MPP4: variants seen among roughly 807,000 people sequenced by gnomAD.
MPP4 encodes the protein MAGUK p55 scaffold protein 4.
In MPP4, 91 loss-of-function variants were observed where a neutral mutation model predicts 98.3. The observed-to-expected ratio is 0.93, with a 90% CI of 0.78 to 1.10. The LOEUF is 1.10. MPP4 is among the 50% of genes least tolerant of loss of function. The pLI is 0.00. For missense variants in MPP4, 744 were observed against 792.9 expected (o/e 0.94, Z 0.74); for synonymous variants, 261 against 271.8 (o/e 0.96, Z 0.39).
chr2:201,671,615 A>G (rs1175668157), intron 11 of MPP4, among the ~76,000 whole-genome samples: 1 of 152,226 alleles, frequency 6.6e-6, no homozygotes, highest in Non-Finnish European at 1.5e-5. Context: ...TCTCTAATAA[A>G]ACAGACTTTA....
chr2:201,690,272 T>C lies in MPP4; in HGVS notation c.209A>G (p.Asp70Gly). The change falls in exon 4 of 22, where the codon GAC (aspartate) becomes GGC (glycine). Residue 70 changes from aspartate to glycine, a missense_variant. Transcript: ENST00000409474. ...PWLQALLKIY[D>G]CLQEFKEKKL... is the part of the protein sequence containing the mutation. ...CTTTTCTTTAAATTCCTGGAGGCAG[T>C]CATAAATCTGCAGAAGGACAAGGGA... 6.2e-7 allele frequency: 1 copy of C among 1,602,406 alleles called. No homozygotes were observed. The highest frequency in any genetic ancestry group is 8.5e-7 in the Non-Finnish European group (1 of 1,173,264).
chr2:201,647,681 T>G lies in MPP4; in HGVS notation c.1719+10A>C. 1 of 1,612,312 alleles carries G rather than the reference T, an allele frequency of 6.2e-7. No homozygotes were observed. The highest frequency in any genetic ancestry group is 8.5e-7 in the Non-Finnish European group (1 of 1,178,558). On this transcript the variant is annotated intron_variant, in intron 21 of 21. Transcript: ENST00000409474. ...TGAAAGCAATACAGTAGTTTTTGAC[T>G]TGCTCTTACCTTGAACTTCATGTCC...
At chr2:201,681,645 T>G in intron 8 of MPP4, 78 bp from the exon 9 acceptor site, 1 of 1,044,596 alleles carries the variant, frequency 9.6e-7, no homozygotes, top group Non-Finnish European at 1.5e-6. Context: ...AGAGTTACAG[T>G]GCAATGTATC....
Position 201,683,594 on chromosome 2 carries a change from C to T in MPP4, c.575-678G>A, listed in dbSNP as rs183340490. Among the ~76,000 whole-genome samples, 189 of 151,584 alleles carry T rather than the reference C, an allele frequency of 1.2e-3. No individual in the cohort carries two copies. In the East Asian group the frequency reaches 0.034, roughly 27 times the overall value. On this transcript the variant is annotated intron_variant, in intron 7 of 21. Coordinates refer to ENST00000409474, the MANE Select transcript of MPP4 (RefSeq NM_033066.3). The stretch of plus-strand genomic sequence containing the variant: ...TGACACTCTGTCTGTACTAAAAATA[C>T]AAAAAAAATTAGCTGGGGGTGGAGG...
chr2:201,675,050 C>G (rs1403747173), intron 11 of MPP4, 157 bp downstream of exon 11: 1 of 874,248 alleles, frequency 1.1e-6, no homozygotes, highest in Non-Finnish European at 1.8e-6. Context: ...CTTTGAAAAA[C>G]CCCTAATCTA....
rs1327110804 is a variant in MPP4 at position 201,690,263 on chromosome 2, T to C, written c.218A>G (p.Gln73Arg). 3 of 1,606,242 alleles carry C rather than the reference T, an allele frequency of 1.9e-6. No homozygotes were observed. The South Asian group carries it at 3.4e-5, about 18-fold the overall frequency. The change falls in exon 4 of 22, where the codon CAG becomes CGG. Residue 73 changes from glutamine to arginine, a missense_variant. By Grantham distance (43) the Gln-to-Arg change is conservative. Transcript: ENST00000409474. ...QALLKIYDCL[Q>R]EFKEKKLVPA... Reference sequence around the variant, plus strand: ...AACTAGTTTCTTTTCTTTAAATTCCTGGAGGCAGTCATAAATCTGCAGAAG... The same window carrying C: ...AACTAGTTTCTTTTCTTTAAATTCCCGGAGGCAGTCATAAATCTGCAGAAG...
At chr2:201,693,053 T>A in intron 2 of MPP4, 24 bp from the exon 3 acceptor site, 1 of 1,603,030 alleles carries the variant, frequency 6.2e-7, no homozygotes, top group Non-Finnish European at 8.5e-7. Context: ...AGAGCAGAGA[T>A]GGGGTGGCAG....
At position 201,694,008 on chromosome 2, in the gene MPP4, A is replaced by T; in HGVS notation, c.-54T>A. On this transcript the variant is annotated 5_prime_UTR_variant, in exon 2 of 22. Transcript: ENST00000409474. ...TCAGGACTAGGAAGCGGGTCAATAC[A>T]CGGCACACAGCTCACTCAGTCCCAC... is the stretch of plus-strand genomic sequence containing the variant. The T allele has an allele frequency of 6.2e-7, 1 of 1,613,578 alleles. No homozygotes were observed. Among genetic ancestry groups the T allele is most frequent in the Non-Finnish European group, 8.5e-7 (1 of 1,179,718 alleles).
intron 15 of MPP4, among the ~76,000 whole-genome samples, chr2:201,660,051 A>T (rs1687982724): frequency 6.6e-6 from 1 of 152,216 alleles, no homozygotes; most frequent in African/African-American, 2.4e-5. Context: ...TACATTCATA[A>T]AGCTTAATTA....
In MPP4 at chr2:201,693,998, G is replaced by C. The variant is rs768887059; in HGVS notation, c.-44C>G. The C allele has an allele frequency of 1.2e-6, 2 of 1,613,580 alleles. No homozygotes were observed. Among genetic ancestry groups the C allele is most frequent in the African/African-American group, 1.3e-5 (1 of 74,880 alleles). On this transcript the variant is annotated 5_prime_UTR_variant, in exon 2 of 22. Transcript: ENST00000409474. ...TGAAAGGAATTCAGGACTAGGAAGC[G>C]GGTCAATACACGGCACACAGCTCAC... is the stretch of plus-strand genomic sequence containing the variant.
At chr2:201,696,548 T>C (rs1689192089) in intron 1 of MPP4, among the ~76,000 whole-genome samples, 1 of 152,204 alleles carries the variant, frequency 6.6e-6, no homozygotes, top group Non-Finnish European at 1.5e-5. Context: ...TTGCACGTCA[T>C]GAGGTGGACC....
intron 10 of MPP4, among the ~76,000 whole-genome samples, chr2:201,677,905 G>C (rs1168570059): frequency 2.6e-5 from 4 of 152,152 alleles, no homozygotes; most frequent in Admixed American, 6.5e-5. Flanking sequence ...CTCGGGGCAG[G>C]CCTCTTGCCC....
intron 8 of MPP4, 30 bp downstream of exon 8, chr2:201,682,801 C>G: frequency 6.3e-7 from 1 of 1,598,798 alleles, no homozygotes; most frequent in Middle Eastern, 1.7e-4. Context: ...TTCTCCAAGT[C>G]ATTAACAAAA....
At chr2:201,664,360 A>T (rs770182695) in intron 13 of MPP4, 1 of 1,378,114 alleles carries the variant, frequency 7.3e-7, no homozygotes, top group South Asian at 1.2e-5. Context: ...AAATAATAGA[A>T]GGTGAATAAA....
chr2:201,670,770 G>T (rs1296408696), intron 11 of MPP4, among the ~76,000 whole-genome samples: 1 of 152,226 alleles, frequency 6.6e-6, no homozygotes, highest in South Asian at 2.1e-4. Flanking sequence ...TGGCTGGCAA[G>T]ATGGCTGAAT....
chr2:201,659,104 C>T (rs1390270887), intron 15 of MPP4, among the ~76,000 whole-genome samples: 1 of 152,112 alleles, frequency 6.6e-6, no homozygotes, highest in African/African-American at 2.4e-5. Flanking sequence ...CCATGTTGGT[C>T]AGGCTGGTCT....
At chr2:201,684,674 G>A (rs139384682) in intron 7 of MPP4, among the ~76,000 whole-genome samples, 4 of 152,288 alleles carry the variant, frequency 2.6e-5, no homozygotes, top group East Asian at 1.9e-4. Flanking sequence ...TTCTCAGGAC[G>A]GGTGTGTGGC....
chr2:201,669,603 T>A, intron 12 of MPP4, 130 bp downstream of exon 12: 1 of 116,520 alleles, frequency 8.6e-6, no homozygotes, highest in Non-Finnish European at 1.7e-5. Context: ...TAATAATGAC[T>A]ATCACACTAC....
chr2:201,659,312 T>C (rs1687956190), intron 15 of MPP4, among the ~76,000 whole-genome samples: 3 of 152,176 alleles, frequency 2.0e-5, no homozygotes, highest in African/African-American at 7.2e-5. Context: ...AAGATAAGAT[T>C]TGCTCTGTGG....
Sources: allele counts gnomAD v4.1 joint callset (sites outside exome capture counted in the v4.1 genomes callset), GRCh38; gene constraint gnomAD v4.1.1; transcripts MANE v1.5; gene names NCBI Gene and HGNC (gene_info 2026-07-23, HGNC 2026-07-21).